BRCA1: variants seen among roughly 807,000 people sequenced by gnomAD.
BRCA1 encodes the protein BRCA1 DNA repair associated.
A neutral mutation model predicts 173.7 loss-of-function variants in BRCA1; 140 were observed. The ratio of observed to expected loss-of-function variants is 0.81; its 90% CI spans 0.70 to 0.93. The LOEUF (loss-of-function observed/expected upper bound fraction) is 0.93, where lower values mean the gene tolerates loss of function less well. BRCA1 is among the 40% of genes least tolerant of loss of function. The pLI is 0.00. For missense variants in BRCA1, 1,983 were observed against 2,172.5 expected (o/e 0.91, Z 1.73); for synonymous variants, 662 against 756.0 (o/e 0.88, Z 2.04).
chr17:43,122,578 G>A (rs1371382565), intron 2 of BRCA1, among the ~76,000 whole-genome samples: 1 of 152,128 alleles, frequency 6.6e-6, no homozygotes, highest in Non-Finnish European at 1.5e-5. Context: ...TTAAATAGGG[G>A]TGTCTGGAAA....
chr17:43,053,038 G>A (rs968497661), intron 19 of BRCA1, among the ~76,000 whole-genome samples: 11 of 151,768 alleles, frequency 7.2e-5, no homozygotes, highest in East Asian at 3.9e-4. Context: ...CACCACACCC[G>A]GCTAATTTTT....
chr17:43,129,189 G>A (rs1189385325), upstream of BRCA1, among the ~76,000 whole-genome samples: 3 of 152,250 alleles, frequency 2.0e-5, no homozygotes, highest in Admixed American at 1.3e-4. Context: ...TCTACTGGCT[G>A]TAGACCTAAG....
At chr17:43,110,538 T>C (rs1188757973) in intron 3 of BRCA1, 2 of 442,622 alleles carry the variant, frequency 4.5e-6, no homozygotes, top group African/African-American at 2.0e-5. Context: ...GTAAGCCTCA[T>C]GATCGCACCA....
chr17:43,100,586 A>G (rs1231653658), intron 6 of BRCA1, among the ~76,000 whole-genome samples: 9 of 97,776 alleles, frequency 9.2e-5, no homozygotes, highest in Admixed American at 5.8e-4. Flanking sequence ...TATATATAAC[A>G]TATATATATT....
intron 18 of BRCA1, among the ~76,000 whole-genome samples, chr17:43,060,451 G>T (rs951511657): frequency 2.0e-5 from 3 of 151,658 alleles, no homozygotes; most frequent in African/African-American, 7.3e-5. Context: ...GCCTCCTAGA[G>T]TGCTGGAATT....
intron 19 of BRCA1, among the ~76,000 whole-genome samples, chr17:43,055,472 A>G (rs1416298119): frequency 6.6e-6 from 1 of 152,116 alleles, no homozygotes; most frequent in African/African-American, 2.4e-5. Context: ...ACATGGCAAA[A>G]CCCCATCTCT....
intron 20 of BRCA1, chr17:43,050,045 G>A (rs910797697): frequency 3.0e-5 from 12 of 398,456 alleles, no homozygotes; most frequent in Non-Finnish European, 5.3e-5. Flanking sequence ...TAATAAAGAG[G>A]ATGGAAACAA....
chr17:43,139,936 C>T (rs11657835), intron 1 of BRCA1: 1 of 492,116 alleles, frequency 2.0e-6, no homozygotes, highest in Non-Finnish European at 4.2e-6. Flanking sequence ...GTTCCTGACA[C>T]AAGGATTCCT....
At chr17:43,076,441 A>C (rs1179301200) in intron 13 of BRCA1, 47 bp downstream of exon 13, 5 of 1,606,690 alleles carry the variant, frequency 3.1e-6, no homozygotes, top group Non-Finnish European at 4.3e-6. Context: ...GTTCAATATA[A>C]ATAAAGATGT....
At chr17:43,166,253 TTC>T (rs1316365528) in intron 1 of BRCA1, 1 of 152,034 alleles carries the variant, frequency 6.6e-6, no homozygotes, top group African/African-American at 2.4e-5. Flanking sequence ...TCTCTTTCCT[TTC>T]TCTCTCTCTG....
chr17:43,147,350 C>T (rs868482190), intron 1 of BRCA1, among the ~76,000 whole-genome samples: 13 of 152,292 alleles, frequency 8.5e-5, no homozygotes, highest in South Asian at 2.1e-4. Context: ...CCACCACGCC[C>T]GGCTAATTTT....
chr17:43,062,348 G>A (rs1220859219), intron 18 of BRCA1, among the ~76,000 whole-genome samples: 1 of 152,116 alleles, frequency 6.6e-6, no homozygotes, highest in Non-Finnish European at 1.5e-5. Flanking sequence ...TCCTGTCTCA[G>A]CCTCCCAAAG....
At chr17:43,049,831 A>C (rs1186181359) in intron 20 of BRCA1, among the ~76,000 whole-genome samples, 1 of 152,150 alleles carries the variant, frequency 6.6e-6, no homozygotes, top group Non-Finnish European at 1.5e-5. Context: ...GTTCTTCAAG[A>C]CATTCATGTA....
chr17:43,142,964 G>A (rs1221273837), intron 1 of BRCA1, among the ~76,000 whole-genome samples: 1 of 74,930 alleles, frequency 1.3e-5, no homozygotes, highest in Non-Finnish European at 3.2e-5. Context: ...GTGTGTGTGT[G>A]TGTATATATA....
At chr17:43,090,386 GT>G (rs1293339384) in intron 11 of BRCA1, among the ~76,000 whole-genome samples, 1 of 152,046 alleles carries the variant, frequency 6.6e-6, no homozygotes, top group African/African-American at 2.4e-5. Flanking sequence ...TTGTTTGTTT[GT>G]TTTTGAGATG....
chr17:43,048,721 A>G (rs1010052501), intron 21 of BRCA1, among the ~76,000 whole-genome samples: 14 of 147,500 alleles, frequency 9.5e-5, no homozygotes, highest in Non-Finnish European at 1.6e-4. Context: ...GGGTTTCACC[A>G]TGTTGGCCAG....
At position 43,104,001 on chromosome 17, in the gene BRCA1, G is replaced by T. The variant is rs950850467; in HGVS notation, c.441+121C>A. On this transcript the variant is annotated intron_variant, in intron 6 of 22. Transcript: ENST00000357654. ...GCGTGCCTGTAATCCCAGCTACTAA[G>T]GGGGCTAAGGCAGGAGGACTGCTTC... 6 of 1,281,432 alleles carry T rather than the reference G, an allele frequency of 4.7e-6. No homozygotes were observed. The South Asian group carries it at 7.8e-5, about 17-fold the overall frequency. The allele number at this position is 1,281,432 out of a possible 1,614,324, so 79.4% of individuals were successfully genotyped here. A position where few individuals can be genotyped will look rare whatever the true frequency, so the allele number is the denominator to read the frequency against.
intron 1 of BRCA1, among the ~76,000 whole-genome samples, chr17:43,137,495 G>T (rs376624140): frequency 6.6e-6 from 1 of 151,764 alleles, no homozygotes; most frequent in African/African-American, 2.4e-5. Context: ...GGGAGCGAGC[G>T]TGTGAGTTGG....
At chr17:43,086,148 A>ACAC (rs60834728) in intron 11 of BRCA1, among the ~76,000 whole-genome samples, 2 of 151,356 alleles carry the variant, frequency 1.3e-5, no homozygotes, top group African/African-American at 4.9e-5. Flanking sequence ...ACACACACAC[A>ACAC]GAAGTCCCCA....
Sources: gnomAD v4.1 joint callset for allele counts (sites outside exome capture counted in the v4.1 genomes callset) on GRCh38, gnomAD v4.1.1 for gene constraint, MANE v1.5 for transcripts, NCBI Gene and HGNC (gene_info 2026-07-23, HGNC 2026-07-21) for gene names.